Variants in PAG1 observed in about 807,000 individuals in gnomAD.
PAG1 encodes the protein phosphoprotein membrane anchor with glycosphingolipid microdomains 1.
In PAG1, 23 loss-of-function variants were observed where a neutral mutation model predicts 31.7. That is an observed-to-expected ratio of 0.73 (90% CI 0.52 to 1.03). The LOEUF (loss-of-function observed/expected upper bound fraction) is 1.03, where lower values mean the gene tolerates loss of function less well. Among genes scored for constraint, PAG1 ranks in the 50% least tolerant of loss-of-function variants. The pLI is 0.00. For missense variants in PAG1, 473 were observed against 540.7 expected, an observed-to-expected ratio of 0.87 and a Z score of 1.24; for synonymous variants, 214 against 210.3, an observed-to-expected ratio of 1.02 and a Z score of -0.15.
chr8:80,979,633 T>C (rs1807257349), intron 8 of PAG1, among the ~76,000 whole-genome samples: 2 of 152,198 alleles, frequency 1.3e-5, no homozygotes, highest in African/African-American at 4.8e-5. Flanking sequence ...TCTAATGCTT[T>C]ACTCAGAGTC....
intron 8 of PAG1, among the ~76,000 whole-genome samples, chr8:80,978,475 C>T (rs148271056): frequency 1.6e-3 from 242 of 152,206 alleles, no homozygotes; most frequent in African/African-American, 5.5e-3. Flanking sequence ...TGAGGGGAGA[C>T]GGCATACCAG....
intron 1 of PAG1, among the ~76,000 whole-genome samples, chr8:81,093,568 C>G (rs1809481008): frequency 6.6e-6 from 1 of 152,010 alleles, no homozygotes; most frequent in African/African-American, 2.4e-5. Context: ...TAGGCACAGA[C>G]AAGGGGGTAG....
intron 3 of PAG1, among the ~76,000 whole-genome samples, chr8:80,999,562 G>C (rs894463110): frequency 1.3e-5 from 2 of 152,098 alleles, no homozygotes; most frequent in Admixed American, 1.3e-4. Flanking sequence ...GAGAGAGACC[G>C]GCACTCATCC....
intron 2 of PAG1, among the ~76,000 whole-genome samples, chr8:81,058,938 A>G (rs554776918): frequency 7.2e-5 from 11 of 152,316 alleles, no homozygotes; most frequent in Non-Finnish European, 1.5e-4. Context: ...AGTGTTCTAT[A>G]TAACTATTTC....
At chr8:81,027,253 C>T (rs537536075) in intron 3 of PAG1, among the ~76,000 whole-genome samples, 1 of 152,146 alleles carries the variant, frequency 6.6e-6, no homozygotes, top group South Asian at 2.1e-4. Context: ...CTGCCCACCT[C>T]GGCCTCCCAA....
At chr8:81,029,501 T>C (rs777128300) in intron 3 of PAG1, among the ~76,000 whole-genome samples, 37 of 152,316 alleles carry the variant, frequency 2.4e-4, no homozygotes, top group Admixed American at 1.6e-3. Flanking sequence ...GGTATTTTCA[T>C]AGAAGAACAT....
chr8:81,011,879 CA>C (rs1807990640), intron 3 of PAG1, among the ~76,000 whole-genome samples: 1 of 152,236 alleles, frequency 6.6e-6, no homozygotes, highest in African/African-American at 2.4e-5. Context: ...TCCATTTGCA[CA>C]TTTTGCAATC....
intron 2 of PAG1, among the ~76,000 whole-genome samples, chr8:81,043,467 AAC>A (rs1348855511): frequency 6.6e-6 from 1 of 151,234 alleles, no homozygotes; most frequent in Non-Finnish European, 1.5e-5. Flanking sequence ...GTCACTGTTC[AAC>A]AGTTTCATTG....
chr8:81,051,224 T>C (rs867553847), intron 2 of PAG1, among the ~76,000 whole-genome samples: 4 of 152,178 alleles, frequency 2.6e-5, no homozygotes, highest in South Asian at 2.1e-4. Flanking sequence ...TGGATTAGTG[T>C]CCCTGTTAGA....
chr8:80,990,329 A>G lies in PAG1; in HGVS notation c.177+1150T>C, dbSNP rs1208815092. Among the ~76,000 whole-genome samples, 1 of 152,050 alleles carries G rather than the reference A, an allele frequency of 6.6e-6. No individual in the cohort carries two copies. The highest frequency in any genetic ancestry group is 1.5e-5 in the Non-Finnish European group (1 of 67,992). On this transcript the variant is annotated intron_variant, in intron 5 of 8. Transcript: ENST00000220597. This position sits in a 1 kb window ranked among gnomAD's most constrained non-coding sequence, Gnocchi z 5.1. Reference sequence around the variant, plus strand: ...AGTCCTGAGAATTGGCAGGTCAGGAAGCCTAGACTGGAGATGCCCCTGGTC... The same window carrying G: ...AGTCCTGAGAATTGGCAGGTCAGGAGGCCTAGACTGGAGATGCCCCTGGTC...
intron 1 of PAG1, among the ~76,000 whole-genome samples, chr8:81,079,959 T>C (rs571021966): frequency 1.3e-5 from 2 of 151,986 alleles, no homozygotes; most frequent in African/African-American, 4.8e-5. Context: ...TTGTAGAGGT[T>C]GAGTTTTGCC....
chr8:81,085,061 A>C lies in PAG1; in HGVS notation c.-233-14891T>G, dbSNP rs564804667. Among the ~76,000 whole-genome samples the C allele has an allele frequency of 9.8e-5, 15 of 152,348 alleles. No homozygotes were observed. The East Asian group carries it at 2.9e-3, about 29-fold the overall frequency. Reference sequence around the variant, plus strand: ...CAAATTGATGAACGCACTTTAAAACAATCTAGGAGTAGCTCTGAGTTAAGA... The same window carrying C: ...CAAATTGATGAACGCACTTTAAAACCATCTAGGAGTAGCTCTGAGTTAAGA... On this transcript the variant is annotated intron_variant, in intron 1 of 8. Coordinates refer to ENST00000220597, the MANE Select transcript of PAG1 (RefSeq NM_018440.4).
In PAG1 at chr8:80,976,910, G is replaced by C; in HGVS notation, c.937-4C>G. The C allele has an allele frequency of 6.3e-7, 1 of 1,585,296 alleles. No homozygotes were observed. The highest frequency in any genetic ancestry group is 8.6e-7 in the Non-Finnish European group (1 of 1,167,498). The stretch of plus-strand genomic sequence containing the variant: ...CTGATGAGTACATAGCTGAGATCTA[G>C]GAGACAAAGGGAGAGTTGAATAAAC... On this transcript the variant is annotated splice_region_variant and splice_polypyrimidine_tract_variant and intron_variant, in intron 8 of 8. Transcript: ENST00000220597.
chr8:81,090,420 A>G (rs1809426404), intron 1 of PAG1, among the ~76,000 whole-genome samples: 1 of 152,240 alleles, frequency 6.6e-6, no homozygotes, highest in South Asian at 2.1e-4. Context: ...CTTGCCCAAC[A>G]CCACAAATAA....
intron 2 of PAG1, chr8:81,067,575 A>G (rs1809027998): frequency 6.6e-6 from 1 of 152,258 alleles, no homozygotes; most frequent in Admixed American, 6.5e-5. Flanking sequence ...TTATGCTGAA[A>G]TTAACCTCGT....
chr8:81,009,988 G>A (rs1325527917), intron 3 of PAG1, among the ~76,000 whole-genome samples: 1 of 152,158 alleles, frequency 6.6e-6, no homozygotes, highest in East Asian at 1.9e-4. Context: ...ATGGGGCCTT[G>A]ACATTGATAT....
intron 3 of PAG1, among the ~76,000 whole-genome samples, chr8:81,011,005 G>A (rs983277386): frequency 9.9e-5 from 15 of 152,208 alleles, no homozygotes; most frequent in Non-Finnish European, 2.2e-4. Flanking sequence ...AGCATTCTAT[G>A]ACCAACCATT....
rs1320702554 is a variant in PAG1, at chr8:80,974,154, T to A, written c.*2390A>T. On this transcript the variant is annotated 3_prime_UTR_variant, in exon 9 of 9. Coordinates refer to ENST00000220597, the MANE Select transcript of PAG1 (RefSeq NM_018440.4). ...TATTTATGAGCTTTCTATAAAAAGT[T>A]TTTTTTTTTTTTTTTTTTTTACTTT... 2 of 102,334 alleles carry A rather than the reference T, an allele frequency of 2.0e-5. No individual in the cohort carries two copies. Among genetic ancestry groups the A allele is most frequent in the Admixed American group, 9.8e-5 (1 of 10,226 alleles). The allele number at this position is 102,334 out of a possible 1,614,324, so 6.3% of individuals were successfully genotyped here. A position where few individuals can be genotyped will look rare whatever the true frequency, so the allele number is the denominator to read the frequency against.
intron 2 of PAG1, among the ~76,000 whole-genome samples, chr8:81,065,334 C>CT (rs1445803848): frequency 6.6e-6 from 1 of 152,016 alleles, no homozygotes; most frequent in African/African-American, 2.4e-5. Flanking sequence ...TCTTCTTCTT[C>CT]TTTTTTTAAA....
Sources: allele counts gnomAD v4.1 joint callset (sites outside exome capture counted in the v4.1 genomes callset), GRCh38; gene constraint gnomAD v4.1.1; non-coding constraint Gnocchi (gnomAD v3.1); transcripts MANE v1.5; gene names NCBI Gene and HGNC (gene_info 2026-07-23, HGNC 2026-07-21).